DNAJC19: variants seen among roughly 807,000 people sequenced by gnomAD.
The protein encoded by DNAJC19 is mitochondrial import inner membrane translocase subunit TIM14.
Under a neutral mutation model 19.8 loss-of-function variants are expected in DNAJC19, and 15 were observed. The observed-to-expected ratio is 0.76, with a 90% confidence interval of 0.51 to 1.17. DNAJC19 has a LOEUF of 1.17. Ranked by LOEUF, DNAJC19 falls within the 50% of genes most tolerant of loss-of-function variation. The probability of loss-of-function intolerance (pLI) is 0.00; values close to 1 mark genes in which losing one functional copy is unlikely to be tolerated. For synonymous variants in DNAJC19, 38 were observed against 42.1 expected (o/e 0.90, Z 0.38); for missense variants, 105 against 140.9 (o/e 0.75, Z 1.29).
chr3:180,987,733 CAAG>C, intron 3 of DNAJC19: 2 of 443,054 alleles, frequency 4.5e-6, no homozygotes, highest in Non-Finnish European at 8.4e-6. Flanking sequence ...TGAAGGAAAA[CAAG>C]AATATGTACA....
intron 1 of DNAJC19, among the ~76,000 whole-genome samples, chr3:180,988,530 T>C (rs906452633): frequency 2.0e-5 from 3 of 151,998 alleles, no homozygotes; most frequent in Admixed American, 2.0e-4. Context: ...TGTCCAGTAA[T>C]CTTTAAAACT....
rs1715120291 is a variant in DNAJC19 at position 180,989,656 on chromosome 3, G to A, written c.-54C>T. 2 of 1,571,400 alleles carry A rather than the reference G, an allele frequency of 1.3e-6. No homozygotes were observed. Among genetic ancestry groups the A allele is most frequent in the African/African-American group, 2.7e-5 (2 of 74,008 alleles). ...CGGGAGCACGGCTCATCCCAGCTCA[G>A]AGGCCGCGGCCAACACCTGCACGCC... is the stretch of plus-strand genomic sequence containing the variant. On this transcript the variant is annotated 5_prime_UTR_variant, in exon 1 of 6. Coordinates refer to ENST00000382564, the MANE Select transcript of DNAJC19 (RefSeq NM_145261.4).
In DNAJC19 at chr3:180,984,016, T is replaced by C. The variant is rs1425395678; in HGVS notation, c.*624A>G. 4.4e-6 allele frequency: 2 copies of C among 453,906 alleles called. No individual in the cohort carries two copies. Among genetic ancestry groups the C allele is most frequent in the African/African-American group, 4.0e-5 (2 of 49,998 alleles). The allele number at this position is 453,906 out of a possible 1,614,324, so 28.1% of individuals were successfully genotyped here. ...AGGTTGAGGCTGCAATGAACTGTGA[T>C]TGTACCAGACCTGTACTCTGAAATC... On this transcript the variant is annotated 3_prime_UTR_variant, in exon 6 of 6. Coordinates refer to ENST00000382564, the MANE Select transcript of DNAJC19 (RefSeq NM_145261.4).
At chr3:180,987,738 A>G (rs3026212) in intron 3 of DNAJC19, 2 of 455,888 alleles carry the variant, frequency 4.4e-6, no homozygotes, top group Non-Finnish European at 8.1e-6. Context: ...GAAAACAAGA[A>G]TATGTACAGA....
chr3:180,989,428 A>T, intron 1 of DNAJC19, 172 bp downstream of exon 1: 3 of 1,464,896 alleles, frequency 2.0e-6, no homozygotes, highest in Non-Finnish European at 2.7e-6. Flanking sequence ...CAAACCCCCA[A>T]GAGAGCGAGC....
intron 4 of DNAJC19, among the ~76,000 whole-genome samples, 165 bp from the exon 5 acceptor site, chr3:180,986,161 G>C (rs1312255449): frequency 6.6e-6 from 1 of 152,078 alleles, no homozygotes; most frequent in East Asian, 1.9e-4. Context: ...TCCTAAATTG[G>C]GAAACTACTT....
At chr3:180,985,075 C>T (rs976891232) in intron 5 of DNAJC19, among the ~76,000 whole-genome samples, 1 of 151,810 alleles carries the variant, frequency 6.6e-6, no homozygotes, top group Non-Finnish European at 1.5e-5. Flanking sequence ...TCAATTATAC[C>T]ATGTTATTTT....
chr3:180,986,932 G>T lies in DNAJC19; in HGVS notation c.209+11C>A, dbSNP rs374496383. ...GTAGAAAAATGCTAAAAATATTAGA[G>T]ATTATTTTACCTTACACCTAGTATT... On this transcript the variant is annotated intron_variant, in intron 4 of 5. Transcript: ENST00000382564. 23 of 1,607,898 alleles carry T rather than the reference G, an allele frequency of 1.4e-5. 2 individuals carry two copies. In the South Asian group the frequency reaches 2.5e-4, roughly 18 times the overall value.
At chr3:180,988,290 C>T (rs931248830) in intron 1 of DNAJC19, 61 bp from the exon 2 acceptor site, 1 of 1,594,242 alleles carries the variant, frequency 6.3e-7, no homozygotes, top group Admixed American at 1.7e-5. Flanking sequence ...CTCATTTTGC[C>T]CATTCTTCCA....
rs910957972 is a variant in DNAJC19, at chr3:180,989,673, C to G, written c.-71G>C. On this transcript the variant is annotated 5_prime_UTR_variant, in exon 1 of 6. Coordinates refer to ENST00000382564, the MANE Select transcript of DNAJC19 (RefSeq NM_145261.4). ...CCAGCTCAGAGGCCGCGGCCAACAC[C>G]TGCACGCCTTTACCAGAGAGCGACG... 1.0e-5 allele frequency: 16 copies of G among 1,560,340 alleles called. No homozygotes were observed. In the African/African-American group the frequency reaches 1.8e-4, roughly 17 times the overall value.
At chr3:180,985,642 A>G in intron 5 of DNAJC19, 1 of 367,152 alleles carries the variant, frequency 2.7e-6, no homozygotes, top group Non-Finnish European at 5.0e-6. Context: ...ATAAGGAAAA[A>G]TTACATTTTA....
chr3:180,985,711 CAT>C, intron 5 of DNAJC19: 1 of 517,256 alleles, frequency 1.9e-6, no homozygotes. Context: ...ACCCACAAAA[CAT>C]AGTAATAGTA....
At position 180,983,796 on chromosome 3, in the gene DNAJC19, T is replaced by C. The variant is rs575103880; in HGVS notation, c.*844A>G. 5 of 453,918 alleles carry C rather than the reference T, an allele frequency of 1.1e-5. No individual in the cohort carries two copies. Among genetic ancestry groups the C allele is most frequent in the Non-Finnish European group, 2.2e-5 (5 of 226,690 alleles). The allele number at this position is 453,918 out of a possible 1,614,324, so 28.1% of individuals were successfully genotyped here. A position where few individuals can be genotyped will look rare whatever the true frequency, so the allele number is the denominator to read the frequency against. On this transcript the variant is annotated 3_prime_UTR_variant, in exon 6 of 6. Coordinates refer to ENST00000382564, the MANE Select transcript of DNAJC19 (RefSeq NM_145261.4). ...TGTTGATATTGAGAACATTTCAGTT[T>C]TCAGTTTTGCTAACAGGGTTTAAGC...
chr3:180,986,067 C>A, intron 4 of DNAJC19, 71 bp from the exon 5 acceptor site: 1 of 1,234,498 alleles, frequency 8.1e-7, no homozygotes, highest in Admixed American at 1.7e-5. Context: ...TACATAAAGG[C>A]CAATTAAAGA....
In DNAJC19 at chr3:180,985,985, T is replaced by A. The variant is rs1218208437; in HGVS notation, c.221A>T (p.Asn74Ile). Residue 74 changes from asparagine (N) to isoleucine (I), a missense_variant, in exon 5 of 6, where the codon AAT becomes ATT. Transcript: ENST00000382564. ...ATGAGCATCTCTTATTTTCCCTTTA[T>A]TGGCAGTAGGGCTAATTAAAAAAAG... The part of the protein sequence containing the change: ...ALILGVSPTA[N>I]KGKIRDAHRR... The A allele has an allele frequency of 6.2e-7, 1 of 1,613,192 alleles. No homozygotes were observed. Among genetic ancestry groups the A allele is most frequent in the South Asian group, 1.1e-5 (1 of 91,086 alleles).
intron 5 of DNAJC19, among the ~76,000 whole-genome samples, chr3:180,984,912 G>A (rs1285752869): frequency 6.6e-6 from 1 of 152,048 alleles, no homozygotes; most frequent in Non-Finnish European, 1.5e-5. Context: ...GAGAAATGAA[G>A]TAATTTACGT....
In DNAJC19 at chr3:180,988,005, G is replaced by A. The variant is rs767602454; in HGVS notation, c.129+18C>T. ...CTAGGTTTCAAATAGAAGCAGCAAAGAATTAACAAAGTCTTACAGATTTTG... is the reference window on the plus strand; with the variant it reads ...CTAGGTTTCAAATAGAAGCAGCAAAAAATTAACAAAGTCTTACAGATTTTG... On this transcript the variant is annotated intron_variant, in intron 3 of 5. Coordinates refer to ENST00000382564, the MANE Select transcript of DNAJC19 (RefSeq NM_145261.4). 3 of 1,613,812 alleles carry A rather than the reference G, an allele frequency of 1.9e-6. No homozygotes were observed. In the South Asian group the frequency reaches 3.3e-5, roughly 18 times the overall value.
At chr3:180,988,474 A>T (rs966908743) in intron 1 of DNAJC19, among the ~76,000 whole-genome samples, 35 of 151,722 alleles carry the variant, frequency 2.3e-4, no homozygotes, top group Non-Finnish European at 4.0e-4. Flanking sequence ...TATAGGCATA[A>T]GCCACCATGC....
At chr3:180,986,294 T>G in intron 4 of DNAJC19, among the ~76,000 whole-genome samples, 1 of 151,818 alleles carries the variant, frequency 6.6e-6, no homozygotes, top group Non-Finnish European at 1.5e-5. Context: ...TTGTTTTTTT[T>G]TTTTTTTGAG....
Sources: gnomAD v4.1 joint callset for allele counts (sites outside exome capture counted in the v4.1 genomes callset) on GRCh38, gnomAD v4.1.1 for gene constraint, MANE v1.5 for transcripts, NCBI Gene and HGNC (gene_info 2026-07-23, HGNC 2026-07-21) for gene names.